Variants in TENM3 observed in about 807,000 individuals in gnomAD.
The protein encoded by TENM3 is teneurin-3.
In TENM3, 63 loss-of-function variants were observed where a neutral mutation model predicts 255.1. The ratio of observed to expected loss-of-function variants is 0.25; its 90% CI spans 0.20 to 0.30. TENM3 has a LOEUF of 0.30. Among genes scored for constraint, TENM3 ranks in the 10% least tolerant of loss-of-function variants. TENM3 has a pLI of 1.00. For missense variants in TENM3, 2,929 were observed against 3,461.1 expected, an observed-to-expected ratio of 0.85 and a Z score of 3.86; for synonymous variants, 1,306 against 1,322.3, an observed-to-expected ratio of 0.99 and a Z score of 0.27.
chr4:181,876,000 G>A, the TENM3 span, among the ~76,000 whole-genome samples: 3 of 152,200 alleles, frequency 2.0e-5, no homozygotes, highest in Non-Finnish European at 1.5e-5. Flanking sequence ...CCATAAATAT[G>A]CTTCCTCCTC....
At chr4:182,436,831 A>G (rs1484856337) in intron 3 of TENM3, among the ~76,000 whole-genome samples, 1 of 152,110 alleles carries the variant, frequency 6.6e-6, no homozygotes, top group Non-Finnish European at 1.5e-5. Flanking sequence ...CAGCCTGGCC[A>G]ACATGGTGAA....
intron 1 of TENM3, among the ~76,000 whole-genome samples, chr4:182,234,791 T>G (rs769137675): frequency 6.6e-6 from 1 of 151,958 alleles, no homozygotes; most frequent in Non-Finnish European, 1.5e-5. Context: ...CTCAAGAATG[T>G]GAGTGAGACA....
chr4:181,541,977 A>G, the TENM3 span, among the ~76,000 whole-genome samples: 1 of 152,202 alleles, frequency 6.6e-6, no homozygotes, highest in East Asian at 1.9e-4. Flanking sequence ...ATGCCACCTT[A>G]TAAGAATTTA....
At chr4:182,057,261 A>G in the TENM3 span, among the ~76,000 whole-genome samples, 1 of 151,480 alleles carries the variant, frequency 6.6e-6, no homozygotes, top group Admixed American at 6.6e-5. Context: ...CGGAGGAATC[A>G]GACATTTTAA....
chr4:181,544,675 A>T, the TENM3 span, among the ~76,000 whole-genome samples: 1 of 152,094 alleles, frequency 6.6e-6, no homozygotes, highest in African/African-American at 2.4e-5. Context: ...TGTATTCTAA[A>T]GTCAAATATC....
At position 182,336,379 on chromosome 4, in the gene TENM3, T is replaced by A. The variant is rs116448040; in HGVS notation, c.233-10272T>A. On this transcript the variant is annotated intron_variant, in intron 2 of 27. Transcript: ENST00000511685. The stretch of plus-strand genomic sequence containing the variant: ...AAAAAAAGCAATTCATGAATAGCTG[T>A]GCTCAAAACTTTACACAGAAGCTCT... Among the ~76,000 whole-genome samples, 1,129 of 151,910 alleles carry A rather than the reference T, an allele frequency of 7.4e-3. 11 individuals carry two copies. The highest frequency in any genetic ancestry group is 0.014 in the Admixed American group (210 of 15,250).
intron 3 of TENM3, among the ~76,000 whole-genome samples, chr4:182,502,805 GT>G (rs1468940452): frequency 2.7e-5 from 4 of 150,762 alleles, no homozygotes; most frequent in Non-Finnish European, 4.4e-5. Flanking sequence ...GGTTATTCAT[GT>G]GTATTAAATT....
rs370348221 is a variant in TENM3, at chr4:182,688,371, G to C, written c.2221+20G>C. ...CTATCGGTAGGCTTACTGCAAGTCTGTGTCTGTCCCCTTCCTCCCAGAGAA... is the reference window on the plus strand; with the variant it reads ...CTATCGGTAGGCTTACTGCAAGTCTCTGTCTGTCCCCTTCCTCCCAGAGAA... On this transcript the variant is annotated intron_variant, in intron 12 of 27. Transcript: ENST00000511685. The C allele has an allele frequency of 6.0e-5, 92 of 1,529,688 alleles. No individual in the cohort carries two copies. In the African/African-American group the frequency reaches 1.1e-3, roughly 19 times the overall value. 94.8% of individuals were successfully genotyped at this position (1,529,688 alleles called of 1,614,324 possible). A position where few individuals can be genotyped will look rare whatever the true frequency, so the allele number is the denominator to read the frequency against.
the TENM3 span, among the ~76,000 whole-genome samples, chr4:181,791,184 T>C: frequency 2.0e-5 from 3 of 152,208 alleles, no homozygotes; most frequent in Admixed American, 6.5e-5. Context: ...GTCTTCACGA[T>C]AGTGGTCCGG....
intron 3 of TENM3, among the ~76,000 whole-genome samples, chr4:182,463,837 G>T (rs943995070): frequency 6.6e-6 from 1 of 152,028 alleles, no homozygotes; most frequent in South Asian, 2.1e-4. Context: ...TGGTCAGGCT[G>T]GTCTCGAACT....
intron 2 of TENM3, among the ~76,000 whole-genome samples, chr4:182,333,473 G>C (rs1214259554): frequency 6.6e-6 from 1 of 152,088 alleles, no homozygotes; most frequent in Non-Finnish European, 1.5e-5. Flanking sequence ...ATAAATCAAA[G>C]GGGAAAACCA....
At chr4:182,243,056 C>A (rs891832296), upstream of TENM3, among the ~76,000 whole-genome samples, 2 of 152,146 alleles carry the variant, frequency 1.3e-5, no homozygotes, top group African/African-American at 2.4e-5. Context: ...ATGAATTCAA[C>A]TTTAGATGTA....
chr4:181,826,245 T>C, the TENM3 span, among the ~76,000 whole-genome samples: 1 of 152,166 alleles, frequency 6.6e-6, no homozygotes, highest in Non-Finnish European at 1.5e-5. Context: ...TTATCTGTAA[T>C]TATTTGATAA....
intron 1 of TENM3, among the ~76,000 whole-genome samples, chr4:182,153,041 G>C (rs943513018): frequency 1.1e-4 from 17 of 151,560 alleles, no homozygotes; most frequent in Admixed American, 8.6e-4. Flanking sequence ...CTACACTTGG[G>C]CTTTTATCTT....
At position 182,386,712 on chromosome 4, in the gene TENM3, G is replaced by T. The variant is rs543451918; in HGVS notation, c.511+39783G>T. 2.0e-5 allele frequency among the ~76,000 whole-genome samples: 3 copies of T among 152,344 alleles called. No individual in the cohort carries two copies. In the East Asian group the frequency reaches 5.8e-4, roughly 30 times the overall value. ...GCACCCAGGCCAGCGGCTGCAGAGG[G>T]TGTACTGGGTCCCCCAGCAGTGCCA... is the stretch of plus-strand genomic sequence containing the variant. On this transcript the variant is annotated intron_variant, in intron 3 of 27. Transcript: ENST00000511685.
the TENM3 span, among the ~76,000 whole-genome samples, chr4:182,114,960 T>A: frequency 1.3e-5 from 2 of 152,114 alleles, no homozygotes; most frequent in African/African-American, 2.4e-5. Flanking sequence ...GGCAGGCAGA[T>A]CACTTGAGGT....
chr4:181,468,396 T>C, the TENM3 span, among the ~76,000 whole-genome samples: 1 of 152,236 alleles, frequency 6.6e-6, no homozygotes, highest in Non-Finnish European at 1.5e-5. Context: ...TATCCAGTTA[T>C]TGCAAATGTG....
At chr4:181,686,399 C>A in the TENM3 span, among the ~76,000 whole-genome samples, 1 of 152,146 alleles carries the variant, frequency 6.6e-6, no homozygotes, top group Admixed American at 6.6e-5. Context: ...GATTTTTCTT[C>A]TTTTCCCTCA....
chr4:182,122,722 T>C, the TENM3 span, among the ~76,000 whole-genome samples: 2 of 152,192 alleles, frequency 1.3e-5, no homozygotes, highest in African/African-American at 4.8e-5. Context: ...AAATGAGCAT[T>C]GGCTTCAACT....
Sources: gnomAD v4.1 joint callset for allele counts (sites outside exome capture counted in the v4.1 genomes callset) on GRCh38, gnomAD v4.1.1 for gene constraint, MANE v1.5 for transcripts, NCBI Gene and HGNC (gene_info 2026-07-23, HGNC 2026-07-21) for gene names.